Variants in CD200 observed in about 807,000 individuals in gnomAD.
CD200 encodes the protein OX-2 membrane glycoprotein.
Under a neutral mutation model 30.9 loss-of-function variants are expected in CD200, and 15 were observed. The ratio of observed to expected loss-of-function variants is 0.49; its 90% CI spans 0.32 to 0.75. The LOEUF (loss-of-function observed/expected upper bound fraction) is 0.75, where lower values mean the gene tolerates loss of function less well. Ranked by LOEUF, CD200 falls within the 30% of genes least tolerant of loss-of-function variation. The pLI is 0.03. For synonymous variants in CD200, 134 were observed against 126.2 expected, an observed-to-expected ratio of 1.06 and a Z score of -0.41; for missense variants, 262 against 324.2, an observed-to-expected ratio of 0.81 and a Z score of 1.47.
intron 5 of CD200, among the ~76,000 whole-genome samples, chr3:112,359,461 TGGG>T (rs2081695269): frequency 2.0e-5 from 3 of 152,076 alleles, no homozygotes; most frequent in Non-Finnish European, 2.9e-5. Flanking sequence ...ACTTTGTAAG[TGGG>T]GATGAAAGGA....
chr3:112,345,923 A>G (rs1053210350), intron 3 of CD200, among the ~76,000 whole-genome samples: 5 of 152,208 alleles, frequency 3.3e-5, no homozygotes, highest in Admixed American at 1.3e-4. Context: ...TAACTGACAC[A>G]CAGCTGAGAT....
At chr3:112,349,614 G>C (rs978584157) in intron 4 of CD200, 98 bp from the exon 5 acceptor site, 1 of 825,410 alleles carries the variant, frequency 1.2e-6, no homozygotes, top group Non-Finnish European at 1.8e-6. Flanking sequence ...ACATATGTAT[G>C]TATTTAAGGA....
chr3:112,342,579 C>T (rs1000830404), intron 2 of CD200, among the ~76,000 whole-genome samples: 22 of 151,636 alleles, frequency 1.5e-4, no homozygotes, highest in East Asian at 7.7e-4. Context: ...CCCACCACCA[C>T]GCCTGGCTAA....
At chr3:112,360,648 G>A (rs2081722864) in intron 5 of CD200, among the ~76,000 whole-genome samples, 1 of 152,118 alleles carries the variant, frequency 6.6e-6, no homozygotes, top group Non-Finnish European at 1.5e-5. Context: ...TAGAAATATT[G>A]GGCAGGATCT....
At position 112,362,806 on chromosome 3, in the gene CD200, C is replaced by A. The variant is rs1197467089; in HGVS notation, c.*1256C>A. The A allele has an allele frequency of 6.6e-6, 1 of 152,434 alleles. No homozygotes were observed. Among genetic ancestry groups the A allele is most frequent in the Non-Finnish European group, 1.5e-5 (1 of 68,026 alleles). The allele number at this position is 152,434 out of a possible 1,614,324, so 9.4% of individuals were successfully genotyped here. A position where few individuals can be genotyped will look rare whatever the true frequency, so the allele number is the denominator to read the frequency against. On this transcript the variant is annotated 3_prime_UTR_variant, in exon 6 of 6. Transcript: ENST00000315711. ...AATATTGAACAATTAAAAGTGTTGA[C>A]TCCAAATATTTGGCTTATGATATTC...
chr3:112,335,501 T>C (rs2081092814), intron 1 of CD200, among the ~76,000 whole-genome samples: 2 of 152,206 alleles, frequency 1.3e-5, no homozygotes, highest in Admixed American at 1.3e-4. Flanking sequence ...GCCTTAGAGA[T>C]GTAAGGAAAA....
chr3:112,341,395 C>T (rs890631441), intron 2 of CD200, among the ~76,000 whole-genome samples: 10 of 152,238 alleles, frequency 6.6e-5, no homozygotes, highest in Non-Finnish European at 1.3e-4. Flanking sequence ...ATGTAGAAAA[C>T]AACGAAATGT....
chr3:112,347,985 G>T (rs993112380), intron 4 of CD200, among the ~76,000 whole-genome samples, 155 bp downstream of exon 4: 1 of 152,128 alleles, frequency 6.6e-6, no homozygotes, highest in African/African-American at 2.4e-5. Flanking sequence ...CAAAAAAATT[G>T]AAGAAACAAA....
Position 112,347,716 on chromosome 3 carries a change from T to G in CD200, c.580T>G (p.Ser194Ala). The change falls in exon 4 of 6, where the codon TCT becomes GCT. Residue 194 changes from serine to alanine, a missense_variant. Ser to Ala is a moderately conservative substitution (Grantham distance 99). Coordinates refer to ENST00000315711, the MANE Select transcript of CD200 (RefSeq NM_005944.7). ...VTLSHPNGTT[S>A]VTSILHIKDP... The stretch of plus-strand genomic sequence containing the variant: ...TCTGTCTCACCCAAATGGGACCACG[T>G]CTGTTACCAGCATCCTCCATATCAA... The G allele has an allele frequency of 6.2e-7, 1 of 1,613,950 alleles. No homozygotes were observed. The highest frequency in any genetic ancestry group is 8.5e-7 in the Non-Finnish European group (1 of 1,179,920).
intron 3 of CD200, among the ~76,000 whole-genome samples, chr3:112,346,846 C>T (rs1238352252): frequency 6.6e-6 from 1 of 152,220 alleles, no homozygotes; most frequent in Non-Finnish European, 1.5e-5. Context: ...CAAAAGGGTA[C>T]AGGCTACAGC....
intron 3 of CD200, among the ~76,000 whole-genome samples, chr3:112,345,759 C>A (rs2081373010): frequency 6.6e-6 from 1 of 152,192 alleles, no homozygotes; most frequent in Admixed American, 6.5e-5. Flanking sequence ...TTATGATTGT[C>A]CTTCTCATTT....
chr3:112,351,713 G>A (rs904462318), intron 5 of CD200, among the ~76,000 whole-genome samples: 7 of 150,126 alleles, frequency 4.7e-5, no homozygotes, highest in African/African-American at 1.5e-4. Context: ...TTTTCCATTT[G>A]TGTTGCTTAC....
intron 5 of CD200, among the ~76,000 whole-genome samples, chr3:112,356,301 C>CA (rs1405985550): frequency 2.0e-5 from 3 of 152,046 alleles, no homozygotes; most frequent in Non-Finnish European, 4.4e-5. Flanking sequence ...ATTATGTACA[C>CA]AATTGTCTTT....
chr3:112,361,780 A>G lies in CD200; in HGVS notation c.*230A>G. ...GGTCTGTTGTAGGACTTGATTTTGT[A>G]AAGCAATGCCATGTTATGTGGTTGA... On this transcript the variant is annotated 3_prime_UTR_variant, in exon 6 of 6. Transcript: ENST00000315711. 1.7e-6 allele frequency: 1 copy of G among 596,136 alleles called. No homozygotes were observed. Among genetic ancestry groups the G allele is most frequent in the Non-Finnish European group, 3.0e-6 (1 of 330,768 alleles). The allele number at this position is 596,136 out of a possible 1,614,324, so 36.9% of individuals were successfully genotyped here. A position where few individuals can be genotyped will look rare whatever the true frequency, so the allele number is the denominator to read the frequency against.
intron 1 of CD200, 117 bp downstream of exon 1, chr3:112,333,341 C>A (rs2081039948): frequency 2.7e-6 from 4 of 1,463,080 alleles, no homozygotes; most frequent in East Asian, 2.6e-5. Context: ...CAATCTGGTC[C>A]GGGGACTAGA....
intron 5 of CD200, among the ~76,000 whole-genome samples, chr3:112,360,333 A>AATAT (rs1553721433): frequency 4.2e-5 from 6 of 141,196 alleles, no homozygotes; most frequent in Admixed American, 3.6e-4. Flanking sequence ...ATCTAAAAAA[A>AATAT]ATATATATAT....
intron 1 of CD200, among the ~76,000 whole-genome samples, 194 bp from the exon 2 acceptor site, chr3:112,340,708 T>G (rs1289684490): frequency 6.6e-6 from 1 of 152,208 alleles, no homozygotes; most frequent in East Asian, 1.9e-4. Context: ...GCTGCTGCTT[T>G]TCCCTCCTCA....
intron 5 of CD200, 135 bp downstream of exon 5, chr3:112,349,954 T>C: frequency 7.5e-7 from 1 of 1,334,486 alleles, no homozygotes; most frequent in Non-Finnish European, 9.6e-7. Context: ...AATACAGAAA[T>C]GTTGATACTG....
intron 2 of CD200, among the ~76,000 whole-genome samples, chr3:112,343,724 T>C (rs1431772369): frequency 1.3e-5 from 2 of 152,222 alleles, no homozygotes; most frequent in African/African-American, 4.8e-5. Flanking sequence ...TAGTTTTGCT[T>C]TATATATTTC....
Sources: gnomAD v4.1 joint callset for allele counts (sites outside exome capture counted in the v4.1 genomes callset) on GRCh38, gnomAD v4.1.1 for gene constraint, MANE v1.5 for transcripts, NCBI Gene and HGNC (gene_info 2026-07-23, HGNC 2026-07-21) for gene names.